ADCK1: variants seen among roughly 807,000 people sequenced by gnomAD.
The protein encoded by ADCK1 is aarF domain containing kinase 1.
A neutral mutation model predicts 52.3 loss-of-function variants in ADCK1; 41 were observed. The ratio of observed to expected loss-of-function variants is 0.78; its 90% CI spans 0.61 to 1.02. The LOEUF is 1.02. Among genes scored for constraint, ADCK1 ranks in the 50% least tolerant of loss-of-function variants. The pLI, the probability that ADCK1 is intolerant of heterozygous loss-of-function variation, is 0.00. For synonymous variants in ADCK1, 250 were observed against 274.6 expected (o/e 0.91, Z 0.89); for missense variants, 658 against 679.5 (o/e 0.97, Z 0.35).
Position 77,852,879 on chromosome 14 carries a change from GTGTGTATATA to G in ADCK1, c.220-6195_220-6186del, listed in dbSNP as rs1252400280. Among the ~76,000 whole-genome samples, 4 of 30,608 alleles carry G rather than the reference GTGTGTATATA, an allele frequency of 1.3e-4. 1 individual carries two copies. Among genetic ancestry groups the G allele is most frequent in the African/African-American group, 5.2e-4 (4 of 7,742 alleles). The allele number at this position is 30,608 out of a possible 152,430, so 20.1% of individuals were successfully genotyped here. On this transcript the variant is annotated intron_variant, in intron 3 of 10. Transcript: ENST00000238561. Reference sequence around the variant, plus strand: ...GTTTTCAAGTTCACTAATCTTTTATGTGTGTATATATATATATATATATATATATTTTTTT... The same window carrying G: ...GTTTTCAAGTTCACTAATCTTTTATGTATATATATATATATATATTTTTTT...
chr14:77,822,610 A>C, intron 3 of ADCK1, 92 bp downstream of exon 3: 1 of 1,130,962 alleles, frequency 8.8e-7, no homozygotes, highest in Non-Finnish European at 1.3e-6. Flanking sequence ...TCACCCCCGC[A>C]AAGTGCTGGG....
chr14:77,840,739 T>G (rs1193911098), intron 3 of ADCK1, among the ~76,000 whole-genome samples: 1 of 151,736 alleles, frequency 6.6e-6, no homozygotes, highest in Non-Finnish European at 1.5e-5. Flanking sequence ...TCCCAACTAC[T>G]TGGGAGGCTG....
chr14:77,886,962 C>G (rs2083167884), intron 4 of ADCK1, 129 bp from the exon 5 acceptor site: 5 of 1,020,442 alleles, frequency 4.9e-6, no homozygotes, highest in Non-Finnish European at 6.9e-6. Context: ...CACACACACT[C>G]TCTCTCTCTT....
chr14:77,893,737 C>CTT (rs1555356623), intron 5 of ADCK1, among the ~76,000 whole-genome samples: 8 of 50,376 alleles, frequency 1.6e-4, no homozygotes, highest in Non-Finnish European at 2.9e-4. Context: ...TCCTTCCTTC[C>CTT]TTTTTTTTTT....
intron 7 of ADCK1, among the ~76,000 whole-genome samples, chr14:77,918,521 T>C (rs1245451313): frequency 6.6e-6 from 1 of 152,224 alleles, no homozygotes; most frequent in African/African-American, 2.4e-5. Context: ...TGATCTGTTC[T>C]TAAGCAAGAC....
chr14:77,888,771 T>C (rs978986695), intron 5 of ADCK1, among the ~76,000 whole-genome samples: 5 of 152,206 alleles, frequency 3.3e-5, no homozygotes, highest in African/African-American at 9.7e-5. Flanking sequence ...TATTTAACTA[T>C]ATATAGTAGT....
chr14:77,859,359 C>A, intron 4 of ADCK1, 80 bp downstream of exon 4: 2 of 1,401,700 alleles, frequency 1.4e-6, no homozygotes, highest in South Asian at 1.4e-5. Flanking sequence ...CAGCCTCGAC[C>A]AGGGTGCTGG....
intron 3 of ADCK1, among the ~76,000 whole-genome samples, chr14:77,824,991 C>T (rs1161632092): frequency 8.5e-5 from 13 of 152,300 alleles, no homozygotes; most frequent in African/African-American, 1.4e-4. Flanking sequence ...TCAAAATATA[C>T]GGTATTTGAA....
intron 4 of ADCK1, among the ~76,000 whole-genome samples, chr14:77,869,533 TCATTTCCAAATAAGGTCA>T (rs796072671): frequency 1.3e-5 from 2 of 152,324 alleles, no homozygotes; most frequent in African/African-American, 2.4e-5. Flanking sequence ...TGCAATGACC[TCATTTCCAAATAAGGTCA>T]CATTCTAGGC....
At chr14:77,821,632 G>A (rs768586184) in intron 2 of ADCK1, among the ~76,000 whole-genome samples, 8 of 152,056 alleles carry the variant, frequency 5.3e-5, no homozygotes, top group Non-Finnish European at 1.0e-4. Context: ...TGTAATCCCA[G>A]CACTTTGGGA....
At chr14:77,924,011 C>T (rs959702391) in intron 7 of ADCK1, 2 of 156,782 alleles carry the variant, frequency 1.3e-5, no homozygotes, top group African/African-American at 2.4e-5. Flanking sequence ...ATCCTCAGCC[C>T]CCTCACCCTG....
intron 3 of ADCK1, among the ~76,000 whole-genome samples, chr14:77,841,114 C>T (rs867077027): frequency 9.9e-5 from 15 of 152,198 alleles, no homozygotes; most frequent in South Asian, 2.1e-4. Context: ...CACACTCAGG[C>T]CTTCCCAAGT....
intron 1 of ADCK1, among the ~76,000 whole-genome samples, chr14:77,807,667 G>A (rs1409126611): frequency 6.6e-6 from 1 of 151,150 alleles, no homozygotes; most frequent in African/African-American, 2.4e-5. Context: ...GTGCCACCAC[G>A]CCCGGCTAAT....
At chr14:77,859,042 C>A in intron 3 of ADCK1, 34 bp from the exon 4 acceptor site, 3 of 1,556,602 alleles carry the variant, frequency 1.9e-6, no homozygotes, top group Non-Finnish European at 2.6e-6. Flanking sequence ...AGTCTGCACT[C>A]ACACCTCTCT....
intron 1 of ADCK1, among the ~76,000 whole-genome samples, chr14:77,809,312 GTTTATGTTTTATT>G (rs2081289817): frequency 6.6e-6 from 1 of 152,052 alleles, no homozygotes; most frequent in South Asian, 2.1e-4. Context: ...TACTTCCCCT[GTTTATGTTTTATT>G]TTTTAATACA....
At chr14:77,865,636 G>A (rs1231727463) in intron 4 of ADCK1, among the ~76,000 whole-genome samples, 6 of 152,144 alleles carry the variant, frequency 3.9e-5, no homozygotes, top group African/African-American at 1.2e-4. Flanking sequence ...GTGTACCCTC[G>A]GTCTGCTTTC....
intron 3 of ADCK1, among the ~76,000 whole-genome samples, chr14:77,832,476 G>A (rs1206729891): frequency 2.6e-5 from 4 of 152,208 alleles, no homozygotes; most frequent in Admixed American, 6.5e-5. Context: ...AGCAGCTCTT[G>A]CCAACTGGCT....
chr14:77,880,429 T>C (rs1237154782), intron 4 of ADCK1, among the ~76,000 whole-genome samples: 6 of 152,188 alleles, frequency 3.9e-5, no homozygotes, highest in Admixed American at 3.9e-4. Context: ...GAACCAATAG[T>C]TTGATCTTTT....
At chr14:77,905,331 G>T (rs2083640909) in intron 6 of ADCK1, among the ~76,000 whole-genome samples, 1 of 75,300 alleles carries the variant, frequency 1.3e-5, no homozygotes, top group Admixed American at 1.2e-4. Flanking sequence ...TTTTGAGATG[G>T]AATCTCACTC....
Sources: allele counts gnomAD v4.1 joint callset (sites outside exome capture counted in the v4.1 genomes callset), GRCh38; gene constraint gnomAD v4.1.1; transcripts MANE v1.5; gene names NCBI Gene and HGNC (gene_info 2026-07-23, HGNC 2026-07-21).